ZNF385D: variants seen among roughly 807,000 people sequenced by gnomAD.
ZNF385D encodes zinc finger protein 659.
ZNF385D carries 15 observed loss-of-function variants against 35.8 expected under a neutral mutation model. That is an observed-to-expected ratio of 0.42 (90% CI 0.28 to 0.64). ZNF385D has a LOEUF of 0.64. ZNF385D is among the 30% of genes least tolerant of loss of function. ZNF385D has a pLI of 0.23. For missense variants in ZNF385D, 474 were observed against 494.6 expected (o/e 0.96, Z 0.39); for synonymous variants, 212 against 186.8 (o/e 1.13, Z -1.10).
chr3:21,658,013 T>C (rs929388313), intron 2 of ZNF385D, among the ~76,000 whole-genome samples: 5 of 151,974 alleles, frequency 3.3e-5, no homozygotes, highest in African/African-American at 1.2e-4. Context: ...CTGAAGGGTA[T>C]ATATCCAAAG....
intron 3 of ZNF385D, among the ~76,000 whole-genome samples, chr3:22,131,632 C>A (rs1274689249): frequency 1.3e-5 from 2 of 152,064 alleles, no homozygotes; most frequent in Non-Finnish European, 2.9e-5. Context: ...AAGGGAAGGC[C>A]ACTGCAAAGA....
At chr3:22,368,600 G>A (rs762517588) in intron 2 of ZNF385D, among the ~76,000 whole-genome samples, 19 of 152,098 alleles carry the variant, frequency 1.2e-4, no homozygotes, top group Admixed American at 5.2e-4. Context: ...CAATGACTGC[G>A]GTGGGCCCTC....
chr3:21,657,488 G>A (rs1464229146), intron 2 of ZNF385D, among the ~76,000 whole-genome samples: 2 of 151,894 alleles, frequency 1.3e-5, no homozygotes, highest in Admixed American at 6.6e-5. Context: ...AGTGTGAAAC[G>A]TATAATGAAA....
At chr3:21,496,505 C>A (rs943973957) in intron 4 of ZNF385D, among the ~76,000 whole-genome samples, 2 of 125,782 alleles carry the variant, frequency 1.6e-5, no homozygotes, top group East Asian at 4.9e-4. Context: ...ATATATATAT[C>A]ATATATATAT....
chr3:21,850,072 G>A (rs1187384267), intron 3 of ZNF385D, among the ~76,000 whole-genome samples: 1 of 151,964 alleles, frequency 6.6e-6, no homozygotes, highest in African/African-American at 2.4e-5. Flanking sequence ...TTAAATAGTT[G>A]CAAATTATGG....
At chr3:21,941,207 T>C (rs1701499323) in intron 3 of ZNF385D, among the ~76,000 whole-genome samples, 2 of 152,202 alleles carry the variant, frequency 1.3e-5, no homozygotes, top group Admixed American at 6.5e-5. Context: ...CTTTGATTTT[T>C]CTTAGCTGTG....
At chr3:22,059,480 T>G (rs1699581776) in intron 3 of ZNF385D, among the ~76,000 whole-genome samples, 2 of 152,142 alleles carry the variant, frequency 1.3e-5, no homozygotes, top group African/African-American at 4.8e-5. Flanking sequence ...TGTCCCAAAA[T>G]AAGATAAGCG....
At chr3:22,179,313 T>G (rs1445764384) in intron 2 of ZNF385D, among the ~76,000 whole-genome samples, 1 of 152,218 alleles carries the variant, frequency 6.6e-6, no homozygotes, top group East Asian at 1.9e-4. Context: ...CCCTTGTAAG[T>G]TGGATTCCTA....
chr3:21,831,850 A>G (rs902563634), intron 3 of ZNF385D, among the ~76,000 whole-genome samples: 4 of 152,192 alleles, frequency 2.6e-5, no homozygotes, highest in Non-Finnish European at 5.9e-5. Context: ...AAATTACATG[A>G]CTTTGTACTG....
At chr3:21,587,584 T>TTTTA in intron 2 of ZNF385D, among the ~76,000 whole-genome samples, 1 of 152,342 alleles carries the variant, frequency 6.6e-6, no homozygotes, top group East Asian at 1.9e-4. Context: ...TTTTATATGC[T>TTTTA]TTTAGCAGGT....
intron 1 of ZNF385D, among the ~76,000 whole-genome samples, chr3:21,743,324 AT>A (rs2069610341): frequency 6.6e-6 from 1 of 152,082 alleles, no homozygotes; most frequent in African/African-American, 2.4e-5. Flanking sequence ...ACAGTATACA[AT>A]TAATATAAGC....
intron 2 of ZNF385D, among the ~76,000 whole-genome samples, chr3:21,570,877 A>G (rs914467078): frequency 6.6e-6 from 1 of 152,062 alleles, no homozygotes; most frequent in Non-Finnish European, 1.5e-5. Flanking sequence ...TGGTGTATTT[A>G]TTACATTGAC....
intron 1 of ZNF385D, among the ~76,000 whole-genome samples, chr3:21,669,664 AATATAT>A (rs1282203329): frequency 1.3e-5 from 2 of 152,206 alleles, no homozygotes; most frequent in African/African-American, 4.8e-5. Flanking sequence ...TGTATTAGAT[AATATAT>A]ATAAAGTGCC....
intron 3 of ZNF385D, among the ~76,000 whole-genome samples, chr3:22,114,065 TTAAG>T (rs1702682911): frequency 6.6e-6 from 1 of 152,098 alleles, no homozygotes; most frequent in South Asian, 2.1e-4. Context: ...TTAACAACGT[TTAAG>T]TGAGAAAACA....
At chr3:22,131,165 C>T (rs975130116) in intron 3 of ZNF385D, among the ~76,000 whole-genome samples, 3 of 152,080 alleles carry the variant, frequency 2.0e-5, no homozygotes, top group Admixed American at 6.6e-5. Context: ...AGCCCTGCAG[C>T]ACTCCAACAT....
intron 2 of ZNF385D, among the ~76,000 whole-genome samples, chr3:22,336,906 T>G (rs1695182734): frequency 3.6e-4 from 1 of 2,752 alleles, no homozygotes; most frequent in African/African-American, 6.2e-4. Context: ...AACAGTGATT[T>G]TTCAAAAAAA....
intron 3 of ZNF385D, among the ~76,000 whole-genome samples, chr3:21,532,823 G>A (rs997254438): frequency 7.2e-5 from 11 of 152,002 alleles, no homozygotes; most frequent in African/African-American, 2.7e-4. Flanking sequence ...GCTATTCTAG[G>A]TACTGTTGTA....
chr3:22,261,308 G>A (rs1700618700), intron 2 of ZNF385D, among the ~76,000 whole-genome samples: 1 of 151,896 alleles, frequency 6.6e-6, no homozygotes, highest in Non-Finnish European at 1.5e-5. Flanking sequence ...AGGTAAAAAT[G>A]GTGCAGTATA....
intron 2 of ZNF385D, among the ~76,000 whole-genome samples, chr3:22,342,055 C>G (rs909575974): frequency 1.3e-5 from 2 of 151,986 alleles, no homozygotes; most frequent in African/African-American, 4.8e-5. Flanking sequence ...GCAGGCAGAT[C>G]ACGAGGTCAG....
Sources: allele counts gnomAD v4.1 joint callset (sites outside exome capture counted in the v4.1 genomes callset), GRCh38; gene constraint gnomAD v4.1.1; transcripts MANE v1.5; gene names NCBI Gene and HGNC (gene_info 2026-07-23, HGNC 2026-07-21).